TNFAIP8: variants seen among roughly 807,000 people sequenced by gnomAD.
The protein encoded by TNFAIP8 is tumor necrosis factor alpha-induced protein 8.
In TNFAIP8, 7 loss-of-function variants were observed where a neutral mutation model predicts 13.3. The ratio of observed to expected loss-of-function variants is 0.52; its 90% CI spans 0.30 to 0.99. The LOEUF is 0.99. Ranked by LOEUF, TNFAIP8 falls within the 50% of genes least tolerant of loss-of-function variation. TNFAIP8 has a pLI of 0.07. For synonymous variants in TNFAIP8, 94 were observed against 87.6 expected, an observed-to-expected ratio of 1.07 and a Z score of -0.41; for missense variants, 258 against 236.9, an observed-to-expected ratio of 1.09 and a Z score of -0.58.
At chr5:119,338,417 C>T (rs1268725502) in intron 1 of TNFAIP8, among the ~76,000 whole-genome samples, 2 of 152,200 alleles carry the variant, frequency 1.3e-5, no homozygotes, top group African/African-American at 4.8e-5. Context: ...CCATCTGTGC[C>T]TCTGTGGTGT....
chr5:119,389,103 G>A (rs776815943), intron 1 of TNFAIP8, among the ~76,000 whole-genome samples: 1 of 152,144 alleles, frequency 6.6e-6, no homozygotes, highest in Non-Finnish European at 1.5e-5. Context: ...AATGGACTGG[G>A]TGAGGGAGAG....
intron 1 of TNFAIP8, among the ~76,000 whole-genome samples, chr5:119,349,054 C>A (rs1233327063): frequency 6.6e-6 from 1 of 152,186 alleles, no homozygotes; most frequent in Non-Finnish European, 1.5e-5. Context: ...CTCAGCCCCA[C>A]CTTTCCTCTT....
intron 1 of TNFAIP8, among the ~76,000 whole-genome samples, chr5:119,281,253 C>G (rs1458790161): frequency 6.7e-6 from 1 of 148,342 alleles, no homozygotes. Context: ...ATTTATAGGC[C>G]TTTCCTCGGT....
chr5:119,376,001 G>C (rs887633296), intron 1 of TNFAIP8, among the ~76,000 whole-genome samples: 1 of 152,122 alleles, frequency 6.6e-6, no homozygotes, highest in Admixed American at 6.5e-5. Flanking sequence ...AATGTTATCA[G>C]ATGACTTTTT....
At chr5:119,374,089 A>T (rs1752189244) in intron 1 of TNFAIP8, among the ~76,000 whole-genome samples, 1 of 152,102 alleles carries the variant, frequency 6.6e-6, no homozygotes, top group South Asian at 2.1e-4. Flanking sequence ...ATGTGAATTA[A>T]TTTTTTTAAT....
chr5:119,298,946 T>C (rs1332540690), intron 1 of TNFAIP8, among the ~76,000 whole-genome samples: 4 of 152,364 alleles, frequency 2.6e-5, no homozygotes, highest in Middle Eastern at 3.4e-3. Flanking sequence ...AAGCCTTGGC[T>C]TTCAGCTCCA....
At position 119,394,668 on chromosome 5, in the gene TNFAIP8, A is replaced by G. The variant is rs955525052; in HGVS notation, c.*1287A>G. On this transcript the variant is annotated 3_prime_UTR_variant, in exon 2 of 2. Transcript: ENST00000504771. ...GTTGTTTAGGCTAGAATGCAGTGGC[A>G]TGATTTTGGCTCACTGCAACCTCTG... 12 of 135,848 alleles carry G rather than the reference A, an allele frequency of 8.8e-5. No individual in the cohort carries two copies. Among genetic ancestry groups the G allele is most frequent in the African/African-American group, 3.5e-4 (12 of 33,998 alleles). 8.4% of individuals were successfully genotyped at this position (135,848 alleles called of 1,614,324 possible).
Position 119,392,887 on chromosome 5 carries a change from T to C in TNFAIP8, c.103T>C (p.Ser35Pro). 1.3e-6 allele frequency: 2 copies of C among 1,581,510 alleles called. No homozygotes were observed. Among genetic ancestry groups the C allele is most frequent in the East Asian group, 2.3e-5 (1 of 43,084 alleles). Residue 35 changes from serine (S) to proline (P), a missense_variant, in exon 2 of 2, where the codon TCC becomes CCC. Transcript: ENST00000504771. ...AAAGAAGATCTTGGGTAAAATGGTG[T>C]CCAAATCCATCGCCACCACCTTAAT... is the stretch of plus-strand genomic sequence containing the variant. ...AQKKILGKMV[S>P]KSIATTLIDD...
chr5:119,385,610 G>T (rs1752639789), intron 1 of TNFAIP8, among the ~76,000 whole-genome samples: 1 of 152,074 alleles, frequency 6.6e-6, no homozygotes, highest in Admixed American at 6.5e-5. Context: ...TAAAAAAAGA[G>T]AAATTCCCTT....
chr5:119,351,796 CT>C (rs59878292), upstream of TNFAIP8, among the ~76,000 whole-genome samples: 27 of 127,702 alleles, frequency 2.1e-4, no homozygotes, highest in Admixed American at 3.9e-4. Flanking sequence ...TTCTTTTTTT[CT>C]TTTTTTTTTT....
At chr5:119,287,250 C>G (rs1296914679) in intron 1 of TNFAIP8, among the ~76,000 whole-genome samples, 1 of 144,100 alleles carries the variant, frequency 6.9e-6, no homozygotes, top group Non-Finnish European at 1.5e-5. Context: ...CTGTGCCTTA[C>G]TAGGATAGCT....
intron 1 of TNFAIP8, among the ~76,000 whole-genome samples, chr5:119,346,398 A>T (rs1419445216): frequency 6.6e-6 from 1 of 152,188 alleles, no homozygotes; most frequent in South Asian, 2.1e-4. Flanking sequence ...TTCTTTCTGT[A>T]ATGTCTCTAC....
At chr5:119,308,541 C>A (rs1021237625) in intron 1 of TNFAIP8, among the ~76,000 whole-genome samples, 3 of 151,940 alleles carry the variant, frequency 2.0e-5, no homozygotes, top group Admixed American at 2.0e-4. Flanking sequence ...AATAAATGGT[C>A]TTGACTGTAT....
chr5:119,365,999 G>A (rs774274617), intron 1 of TNFAIP8, among the ~76,000 whole-genome samples: 1 of 152,090 alleles, frequency 6.6e-6, no homozygotes, highest in Non-Finnish European at 1.5e-5. Context: ...CAGGAACAAT[G>A]AGGGAGACAT....
intron 1 of TNFAIP8, among the ~76,000 whole-genome samples, chr5:119,274,739 G>A (rs967936084): frequency 2.0e-5 from 3 of 152,234 alleles, no homozygotes; most frequent in Admixed American, 6.5e-5. Context: ...CCCTGGCAGG[G>A]AAGCTCTGCC....
chr5:119,384,773 A>G (rs529546236), intron 1 of TNFAIP8, among the ~76,000 whole-genome samples: 5 of 152,338 alleles, frequency 3.3e-5, no homozygotes, highest in African/African-American at 1.2e-4. Flanking sequence ...CATTACTGGT[A>G]TCAGAAACCT....
chr5:119,292,997 C>G (rs1032484286), intron 1 of TNFAIP8, among the ~76,000 whole-genome samples: 3 of 151,904 alleles, frequency 2.0e-5, no homozygotes, highest in Admixed American at 2.0e-4. Context: ...ACTTTTATTT[C>G]ACTTAGCATT....
upstream of TNFAIP8, among the ~76,000 whole-genome samples, chr5:119,351,795 T>C (rs1751170106): frequency 7.5e-6 from 1 of 132,626 alleles, no homozygotes; most frequent in Non-Finnish European, 1.7e-5. Flanking sequence ...TTTCTTTTTT[T>C]CTTTTTTTTT....
At chr5:119,331,542 T>G (rs1750380441) in intron 1 of TNFAIP8, among the ~76,000 whole-genome samples, 1 of 152,208 alleles carries the variant, frequency 6.6e-6, no homozygotes, top group Admixed American at 6.5e-5. Flanking sequence ...ACCAGGAGTT[T>G]CCTGCTGGGT....
Sources: allele counts gnomAD v4.1 joint callset (sites outside exome capture counted in the v4.1 genomes callset), GRCh38; gene constraint gnomAD v4.1.1; transcripts MANE v1.5; gene names NCBI Gene and HGNC (gene_info 2026-07-23, HGNC 2026-07-21).